Variants in PTK2B observed in about 807,000 individuals in gnomAD.
The protein encoded by PTK2B is protein tyrosine kinase 2 beta.
PTK2B carries 71 observed loss-of-function variants against 142.9 expected under a neutral mutation model. The observed-to-expected ratio is 0.50, with a 90% CI of 0.41 to 0.61. PTK2B has a LOEUF of 0.61. Among genes scored for constraint, PTK2B ranks in the 20% least tolerant of loss-of-function variants. The pLI is 0.00. For missense variants in PTK2B, 1,105 were observed against 1,320.4 expected, an observed-to-expected ratio of 0.84 and a Z score of 2.53; for synonymous variants, 519 against 503.4, an observed-to-expected ratio of 1.03 and a Z score of -0.42.
chr8:27,437,058 A>T (rs1791294955), intron 15 of PTK2B, 64 bp from the exon 16 acceptor site: 3 of 1,508,746 alleles, frequency 2.0e-6, no homozygotes, highest in Non-Finnish European at 2.8e-6. Context: ...TGGGGAGGCC[A>T]GGAGGGAACA....
At chr8:27,338,152 T>C (rs574437419) in intron 1 of PTK2B, among the ~76,000 whole-genome samples, 1 of 152,174 alleles carries the variant, frequency 6.6e-6, no homozygotes, top group African/African-American at 2.4e-5. Flanking sequence ...TTGTTGGCCA[T>C]TTGTATGTCT....
At chr8:27,403,580 GTGTT>G (rs1808508359) in intron 2 of PTK2B, among the ~76,000 whole-genome samples, 1 of 152,176 alleles carries the variant, frequency 6.6e-6, no homozygotes, top group Non-Finnish European at 1.5e-5. Flanking sequence ...ATAGGAAATT[GTGTT>G]TGTTTAGGAG....
At chr8:27,335,074 C>G (rs774256914) in intron 1 of PTK2B, among the ~76,000 whole-genome samples, 1 of 152,118 alleles carries the variant, frequency 6.6e-6, no homozygotes, top group Admixed American at 6.5e-5. Flanking sequence ...TGCAATGCTC[C>G]GGGAAAATGG....
At chr8:27,448,344 T>G (rs1455812793) in intron 24 of PTK2B, among the ~76,000 whole-genome samples, 1 of 152,240 alleles carries the variant, frequency 6.6e-6, no homozygotes, top group Non-Finnish European at 1.5e-5. Flanking sequence ...GAGTACCCAA[T>G]TCCTTTTAAG....
At chr8:27,362,731 GTC>G (rs1394246947) in intron 1 of PTK2B, among the ~76,000 whole-genome samples, 1 of 152,128 alleles carries the variant, frequency 6.6e-6, no homozygotes, top group Non-Finnish European at 1.5e-5. Flanking sequence ...TCGGGAGCCT[GTC>G]TCTGAGAGAC....
At chr8:27,444,309 C>T (rs959558040) in intron 23 of PTK2B, 38 bp downstream of exon 23, 11 of 1,578,834 alleles carry the variant, frequency 7.0e-6, no homozygotes, top group Non-Finnish European at 8.7e-6. Context: ...TTCAGGTCTA[C>T]CTCTCATCCA....
chr8:27,372,198 C>T (rs903539763), intron 1 of PTK2B, among the ~76,000 whole-genome samples: 1 of 152,154 alleles, frequency 6.6e-6, no homozygotes, highest in Non-Finnish European at 1.5e-5. Context: ...TCCTCAAAGG[C>T]GTAACTGTCT....
At chr8:27,415,046 T>G (rs1201206192) in intron 2 of PTK2B, among the ~76,000 whole-genome samples, 1 of 152,248 alleles carries the variant, frequency 6.6e-6, no homozygotes, top group Non-Finnish European at 1.5e-5. Context: ...TGTGTCAAAA[T>G]AAGGCTAATA....
intron 5 of PTK2B, 137 bp downstream of exon 5, chr8:27,422,520 G>A: frequency 1.2e-6 from 1 of 814,780 alleles, no homozygotes; most frequent in South Asian, 2.0e-5. Context: ...ACCGGCAGCA[G>A]GTGAGGCTCT....
intron 27 of PTK2B, 90 bp from the exon 28 acceptor site, chr8:27,453,024 G>C: frequency 6.8e-7 from 1 of 1,465,964 alleles, no homozygotes; most frequent in Non-Finnish European, 9.5e-7. Context: ...TGGTGGTAGA[G>C]GGGAAGGGGC....
intron 2 of PTK2B, among the ~76,000 whole-genome samples, chr8:27,403,068 CCTT>C (rs1359870908): frequency 2.6e-5 from 4 of 152,306 alleles, no homozygotes; most frequent in Admixed American, 1.3e-4. Flanking sequence ...TTGGAGCAGC[CCTT>C]CTTCTCTCTG....
chr8:27,386,876 G>C (rs889950350), intron 1 of PTK2B, among the ~76,000 whole-genome samples: 4 of 151,112 alleles, frequency 2.6e-5, no homozygotes, highest in African/African-American at 9.8e-5. Flanking sequence ...AAAAGTACCT[G>C]AGGTTTTTTT....
At chr8:27,453,307 G>C (rs1048746374) in intron 28 of PTK2B, 147 bp downstream of exon 28, 2 of 1,050,402 alleles carry the variant, frequency 1.9e-6, no homozygotes, top group Admixed American at 4.5e-5. Flanking sequence ...TAGGGGGCGG[G>C]TGGCGGGGTG....
chr8:27,388,309 G>A (rs1041260939), intron 1 of PTK2B, among the ~76,000 whole-genome samples: 8 of 152,252 alleles, frequency 5.3e-5, no homozygotes, highest in Non-Finnish European at 7.3e-5. Context: ...AAAAAGCTGA[G>A]ATCATGATTT....
intron 1 of PTK2B, among the ~76,000 whole-genome samples, chr8:27,332,365 A>G (rs1803805583): frequency 6.6e-6 from 1 of 152,198 alleles, no homozygotes; most frequent in South Asian, 2.1e-4. Context: ...CCCATAAAAC[A>G]TCACAGGCAT....
intron 3 of PTK2B, among the ~76,000 whole-genome samples, chr8:27,313,694 G>T (rs1016803622): frequency 7.2e-5 from 11 of 152,090 alleles, no homozygotes; most frequent in African/African-American, 1.9e-4. Flanking sequence ...CTTTTCCAGT[G>T]GAATGCCCCC....
At chr8:27,425,272 A>G (rs1810014241) in intron 5 of PTK2B, among the ~76,000 whole-genome samples, 1 of 151,850 alleles carries the variant, frequency 6.6e-6, no homozygotes, top group Non-Finnish European at 1.5e-5. Context: ...ATTATATGGT[A>G]TTGCATGCTA....
In PTK2B at chr8:27,397,660, A is replaced by G. The variant is rs745856279; in HGVS notation, c.76A>G (p.Met26Val). ...LRRPEGPAEP[M>V]VVVPVDVEKE... ...CCGGCCTGAAGGCCCTGCAGAGCCCATGGTGGTGGTACCAGTAGATGTGGA... is the reference window on the plus strand; with the variant it reads ...CCGGCCTGAAGGCCCTGCAGAGCCCGTGGTGGTGGTACCAGTAGATGTGGA... The change falls in exon 2 of 31, where the codon ATG becomes GTG. Residue 26 changes from methionine to valine, a missense_variant. Physicochemically the swap from Met to Val is conservative, Grantham distance 21. Coordinates refer to ENST00000346049, the MANE Select transcript of PTK2B (RefSeq NM_173176.3). 6.2e-6 allele frequency: 10 copies of G among 1,614,260 alleles called. No individual in the cohort carries two copies. In the Admixed American group the frequency reaches 1.2e-4, roughly 19 times the overall value.
chr8:27,458,690 G>A lies in PTK2B; in HGVS notation c.*181G>A. The A allele has an allele frequency of 1.6e-6, 1 of 631,756 alleles. No individual in the cohort carries two copies. The highest frequency in any genetic ancestry group is 2.7e-6 in the Non-Finnish European group (1 of 364,426). The allele number at this position is 631,756 out of a possible 1,614,324, so 39.1% of individuals were successfully genotyped here. A position where few individuals can be genotyped will look rare whatever the true frequency, so the allele number is the denominator to read the frequency against. Reference sequence around the variant, plus strand: ...TGGCTGTACTGCTCAGGCTGCAGCTGGACAGAGGGGACTCTGGGCTATGGA... The same window carrying A: ...TGGCTGTACTGCTCAGGCTGCAGCTAGACAGAGGGGACTCTGGGCTATGGA... On this transcript the variant is annotated 3_prime_UTR_variant, in exon 31 of 31. Coordinates refer to ENST00000346049, the MANE Select transcript of PTK2B (RefSeq NM_173176.3).
Sources: allele counts gnomAD v4.1 joint callset (sites outside exome capture counted in the v4.1 genomes callset), GRCh38; gene constraint gnomAD v4.1.1; transcripts MANE v1.5; gene names NCBI Gene and HGNC (gene_info 2026-07-23, HGNC 2026-07-21).